AFG2A: variants seen among roughly 807,000 people sequenced by gnomAD.
AFG2A encodes AAA ATPase AFG2A, also known as ATPase family gene 2 protein homolog A.
At chr4:123,017,823 TA>T in the AFG2A span, among the ~76,000 whole-genome samples, 4 of 152,150 alleles carry the variant, frequency 2.6e-5, no homozygotes, top group Non-Finnish European at 2.9e-5. Flanking sequence ...TTCTCTAAAA[TA>T]ATACTTTGAA....
At chr4:123,219,434 C>A in the AFG2A span, among the ~76,000 whole-genome samples, 2 of 152,182 alleles carry the variant, frequency 1.3e-5, no homozygotes, top group African/African-American at 4.8e-5. Flanking sequence ...CACAGACACA[C>A]CCAGTAACAA....
the AFG2A span, among the ~76,000 whole-genome samples, chr4:123,032,342 A>G: frequency 1.3e-5 from 2 of 152,174 alleles, no homozygotes; most frequent in East Asian, 3.8e-4. Context: ...TCGACTTTAC[A>G]ATGGTGTGAA....
chr4:123,079,211 A>G, the AFG2A span, among the ~76,000 whole-genome samples: 2 of 151,928 alleles, frequency 1.3e-5, no homozygotes, highest in African/African-American at 2.4e-5. Flanking sequence ...TATTCCCCTT[A>G]TTTTTCTTCC....
the AFG2A span, among the ~76,000 whole-genome samples, chr4:123,242,849 A>G: frequency 6.6e-6 from 1 of 152,222 alleles, no homozygotes; most frequent in African/African-American, 2.4e-5. Flanking sequence ...CAATCTACCC[A>G]TCTGACAAAG....
At chr4:123,080,719 C>T in the AFG2A span, among the ~76,000 whole-genome samples, 3 of 151,958 alleles carry the variant, frequency 2.0e-5, no homozygotes, top group Admixed American at 6.6e-5. Context: ...GACAACCCAC[C>T]ATGTTTACAG....
the AFG2A span, among the ~76,000 whole-genome samples, chr4:123,068,459 C>G: frequency 5.0e-3 from 767 of 152,118 alleles, 7 homozygotes; most frequent in African/African-American, 0.017. Flanking sequence ...AGTTTCACTG[C>G]CTTTTATTTA....
the AFG2A span, among the ~76,000 whole-genome samples, chr4:123,193,501 A>G: frequency 1.3e-5 from 2 of 152,230 alleles, no homozygotes; most frequent in Admixed American, 6.5e-5. Context: ...AACAATAACA[A>G]TCTTTACTTT....
At chr4:123,308,397 G>A in the AFG2A span, among the ~76,000 whole-genome samples, 8 of 152,150 alleles carry the variant, frequency 5.3e-5, no homozygotes, top group South Asian at 2.1e-4. Context: ...GTACTGGTCC[G>A]TAGCATGTCA....
At chr4:123,223,835 T>C in the AFG2A span, among the ~76,000 whole-genome samples, 1 of 152,216 alleles carries the variant, frequency 6.6e-6, no homozygotes, top group Non-Finnish European at 1.5e-5. Context: ...ATTGGATACA[T>C]GGTTTGCAAA....
chr4:123,242,956 C>G, the AFG2A span, among the ~76,000 whole-genome samples: 1 of 152,132 alleles, frequency 6.6e-6, no homozygotes, highest in Non-Finnish European at 1.5e-5. Flanking sequence ...AGACATCCCT[C>G]AAAAGAAGAC....
At chr4:122,930,153 A>C in the AFG2A span, among the ~76,000 whole-genome samples, 1 of 152,218 alleles carries the variant, frequency 6.6e-6, no homozygotes, top group African/African-American at 2.4e-5. Context: ...TTAGTAAAAC[A>C]AACCGTCATT....
the AFG2A span, among the ~76,000 whole-genome samples, chr4:123,278,367 T>C: frequency 1.3e-5 from 2 of 152,152 alleles, no homozygotes; most frequent in African/African-American, 4.8e-5. Flanking sequence ...TTAGTCTAGC[T>C]AGCAGTCTAT....
the AFG2A span, among the ~76,000 whole-genome samples, chr4:123,014,989 A>T: frequency 6.4e-4 from 97 of 152,300 alleles, 1 homozygote; most frequent in African/African-American, 2.1e-3. Flanking sequence ...AAGCTTGCTT[A>T]TGGAAAATGG....
the AFG2A span, among the ~76,000 whole-genome samples, chr4:123,294,123 T>C: frequency 6.6e-6 from 1 of 152,234 alleles, no homozygotes; most frequent in South Asian, 2.1e-4. Flanking sequence ...GCTTGGGCTC[T>C]GCTCTTAGCT....
chr4:123,017,206 A>AGAGGGG, the AFG2A span, among the ~76,000 whole-genome samples: 6 of 74,756 alleles, frequency 8.0e-5, no homozygotes, highest in African/African-American at 3.4e-4. Flanking sequence ...AGGGAGAGGG[A>AGAGGGG]GAGAGAGAGG....
the AFG2A span, among the ~76,000 whole-genome samples, chr4:123,135,422 A>G: frequency 6.6e-6 from 1 of 152,208 alleles, no homozygotes; most frequent in East Asian, 1.9e-4. Flanking sequence ...GCAATTAGAC[A>G]AGAGAAAGAA....
chr4:123,232,406 A>G, the AFG2A span, among the ~76,000 whole-genome samples: 6 of 152,060 alleles, frequency 3.9e-5, no homozygotes, highest in African/African-American at 1.4e-4. Context: ...GAAGTGTGTT[A>G]AGAACAAAGG....
At chr4:122,996,613 A>ATAGATAGT in the AFG2A span, among the ~76,000 whole-genome samples, 1 of 151,646 alleles carries the variant, frequency 6.6e-6, no homozygotes, top group Non-Finnish European at 1.5e-5. Flanking sequence ...AGATAGATAG[A>ATAGATAGT]TAGATAGATA....
At chr4:123,044,979 C>A in the AFG2A span, among the ~76,000 whole-genome samples, 1 of 151,706 alleles carries the variant, frequency 6.6e-6, no homozygotes, top group Non-Finnish European at 1.5e-5. Flanking sequence ...CCTTAAAATT[C>A]TTTTTTGTCT....
Sources: gnomAD v4.1 joint callset for allele counts (sites outside exome capture counted in the v4.1 genomes callset) on GRCh38, gnomAD v4.1.1 for gene constraint, MANE v1.5 for transcripts, NCBI Gene and HGNC (gene_info 2026-07-23, HGNC 2026-07-21) for gene names.